The following ADCY10 variants were observed in gnomAD, a reference collection of about 807,000 sequenced individuals.
ADCY10 encodes adenylate cyclase type 10.
Under a neutral mutation model 183.3 loss-of-function variants are expected in ADCY10, and 156 were observed. That is an observed-to-expected ratio of 0.85 (90% CI 0.75 to 0.97). The LOEUF is 0.97. Ranked by LOEUF, ADCY10 falls within the 50% of genes least tolerant of loss-of-function variation. ADCY10 has a pLI of 0.00. For synonymous variants in ADCY10, 645 were observed against 670.0 expected (o/e 0.96, Z 0.58); for missense variants, 1,745 against 1,934.3 (o/e 0.90, Z 1.84).
rs1396530393 is a variant in ADCY10, at chr1:167,837,263, A to G, written c.3063T>C (p.Phe1021=). 1.2e-6 allele frequency: 2 copies of G among 1,613,504 alleles called. No homozygotes were observed. The highest frequency in any genetic ancestry group is 2.2e-5 in the East Asian group (1 of 44,892). The change falls in exon 22 of 33, where the codon TTT becomes TTC. Residue 1021 remains phenylalanine (F), a synonymous_variant. Transcript: ENST00000367851. ...TATGCCTCTACCTGCGATTTTCAGG[A>G]AAAAATGCAGATGTCTCAGGAATCT... The part of the protein sequence containing the change: ...NSEIPETSAF[F]PENRSPEEIR...
chr1:167,864,536 G>C (rs1666539327), intron 14 of ADCY10, among the ~76,000 whole-genome samples: 1 of 151,904 alleles, frequency 6.6e-6, no homozygotes, highest in South Asian at 2.1e-4. Flanking sequence ...CCCCACAGTA[G>C]TTAAGAGAGG....
intron 7 of ADCY10, 77 bp downstream of exon 7, chr1:167,896,518 T>A (rs1262228545): frequency 8.5e-7 from 1 of 1,175,512 alleles, no homozygotes; most frequent in African/African-American, 1.5e-5. Flanking sequence ...CCACCAGTAA[T>A]GAAGCTGTCG....
chr1:167,913,714 G>A (rs547894982), intron 1 of ADCY10, among the ~76,000 whole-genome samples: 1 of 150,830 alleles, frequency 6.6e-6, no homozygotes, highest in Non-Finnish European at 1.5e-5. Context: ...AGGATATCAC[G>A]TGAGAAACTG....
chr1:167,886,861 C>A (rs1453934929), intron 8 of ADCY10, among the ~76,000 whole-genome samples: 1 of 152,144 alleles, frequency 6.6e-6, no homozygotes, highest in Non-Finnish European at 1.5e-5. Flanking sequence ...AAAAATCAAA[C>A]AACCCCATCA....
chr1:167,848,623 T>C, intron 18 of ADCY10, 134 bp from the exon 19 acceptor site: 2 of 1,011,452 alleles, frequency 2.0e-6, no homozygotes, highest in Non-Finnish European at 2.9e-6. Flanking sequence ...CCAAATATTC[T>C]GGAAACCTTT....
At chr1:167,870,154 G>T in intron 14 of ADCY10, 103 bp downstream of exon 14, 1 of 1,271,014 alleles carries the variant, frequency 7.9e-7, no homozygotes, top group Non-Finnish European at 1.1e-6. Flanking sequence ...ATAATTGTAG[G>T]TTATAGATAA....
intron 30 of ADCY10, chr1:167,820,686 C>G (rs1237129183): frequency 6.5e-6 from 1 of 153,012 alleles, no homozygotes; most frequent in Non-Finnish European, 1.5e-5. Flanking sequence ...TGCCTGTAAT[C>G]CCAGCATTTG....
intron 28 of ADCY10, 106 bp from the exon 29 acceptor site, chr1:167,823,229 A>G: frequency 1.2e-6 from 1 of 843,762 alleles, no homozygotes; most frequent in Non-Finnish European, 1.9e-6. Flanking sequence ...GTTCGAGACC[A>G]GCCTGGCCAA....
intron 7 of ADCY10, among the ~76,000 whole-genome samples, chr1:167,895,347 G>A (rs1668891466): frequency 6.6e-6 from 1 of 152,134 alleles, no homozygotes; most frequent in Admixed American, 6.5e-5. Context: ...GAGCTTCTGA[G>A]GTTCTTGGCC....
chr1:167,912,128 A>C (rs1670182519), intron 1 of ADCY10, among the ~76,000 whole-genome samples: 1 of 152,262 alleles, frequency 6.6e-6, no homozygotes, highest in Non-Finnish European at 1.5e-5. Flanking sequence ...ACAGGCACAT[A>C]CCACATTGTA....
chr1:167,905,017 C>A lies in ADCY10; in HGVS notation c.124G>T (p.Val42Phe). ...CCTGAAATATCAACAAACATCAGGA[C>A]TCCGTCAAAATAATCCATAAAGGGT... ...ERPFMDYFDG[V>F]LMFVDISGFT... is the part of the protein sequence containing the mutation. The change falls in exon 2 of 33, where the codon GTC becomes TTC. Residue 42 changes from valine to phenylalanine, a missense_variant. Physicochemically the swap from Val to Phe is conservative, Grantham distance 50 (BLOSUM62 -1). Transcript: ENST00000367851. The A allele has an allele frequency of 6.2e-7, 1 of 1,614,198 alleles. No individual in the cohort carries two copies. Among genetic ancestry groups the A allele is most frequent in the Non-Finnish European group, 8.5e-7 (1 of 1,180,040 alleles).
In ADCY10 at chr1:167,837,207, T is replaced by A. The variant is rs768768428; in HGVS notation, c.3077+42A>T. The A allele has an allele frequency of 3.3e-6, 5 of 1,513,794 alleles. No homozygotes were observed. The Admixed American group carries it at 5.0e-5, about 15-fold the overall frequency. The allele number at this position is 1,513,794 out of a possible 1,614,324, so 93.8% of individuals were successfully genotyped here. On this transcript the variant is annotated intron_variant, in intron 22 of 32. Coordinates refer to ENST00000367851, the MANE Select transcript of ADCY10 (RefSeq NM_018417.6). Reference sequence around the variant, plus strand: ...AATAGTGTTCTGAATTTAATGACAATTATTTATGCTCTACTTCCTAAACAA... The same window carrying A: ...AATAGTGTTCTGAATTTAATGACAAATATTTATGCTCTACTTCCTAAACAA...
At chr1:167,832,796 G>A (rs1416451715) in intron 25 of ADCY10, among the ~76,000 whole-genome samples, 191 bp downstream of exon 25, 1 of 152,204 alleles carries the variant, frequency 6.6e-6, no homozygotes, top group East Asian at 1.9e-4. Context: ...AAAACTGCCT[G>A]TAAAGTACTT....
chr1:167,845,873 T>C lies in ADCY10; in HGVS notation c.2717-20A>G, dbSNP rs1347004270. ...CGTGATCTGGAGAGAGCAAAAAGGGTTTTTCAGCCAGGCAGTGGGCAACAG... is the reference window on the plus strand; with the variant it reads ...CGTGATCTGGAGAGAGCAAAAAGGGCTTTTCAGCCAGGCAGTGGGCAACAG... On this transcript the variant is annotated intron_variant, in intron 20 of 32. Transcript: ENST00000367851. 10 of 1,613,168 alleles carry C rather than the reference T, an allele frequency of 6.2e-6. No individual in the cohort carries two copies. The highest frequency in any genetic ancestry group is 1.6e-4 in the Middle Eastern group (1 of 6,084).
At chr1:167,834,426 C>G (rs933085723) in intron 23 of ADCY10, 20 of 366,356 alleles carry the variant, frequency 5.5e-5, no homozygotes, top group Non-Finnish European at 9.9e-5. Flanking sequence ...CCTCCCTATT[C>G]CCAACAACAC....
chr1:167,838,667 C>A (rs1399725595), intron 21 of ADCY10, among the ~76,000 whole-genome samples: 1 of 152,230 alleles, frequency 6.6e-6, no homozygotes, highest in East Asian at 1.9e-4. Flanking sequence ...TAATTACATT[C>A]ATATGCTAAT....
Position 167,870,407 on chromosome 1 carries a change from C to G in ADCY10, c.1466G>C (p.Arg489Pro). Residue 489 changes from arginine (R) to proline (P), a missense_variant, in exon 14 of 33, where the codon CGT becomes CCT. Physicochemically the swap from Arg to Pro is moderately radical, Grantham distance 103. Coordinates refer to ENST00000367851, the MANE Select transcript of ADCY10 (RefSeq NM_018417.6). ...CATGAAGTAGTTGATCTCTTTATTACGTCCTGTTATTTTTAGTTTTAAAAA... is the reference window on the plus strand; with the variant it reads ...CATGAAGTAGTTGATCTCTTTATTAGGTCCTGTTATTTTTAGTTTTAAAAA... ...NRKEDYPLLG[R>P]NKEINYFMYT... 6.2e-7 allele frequency: 1 copy of G among 1,606,936 alleles called. No individual in the cohort carries two copies. The highest frequency in any genetic ancestry group is 8.5e-7 in the Non-Finnish European group (1 of 1,174,310).
chr1:167,875,228 G>A, intron 12 of ADCY10, 42 bp from the exon 13 acceptor site: 1 of 1,587,082 alleles, frequency 6.3e-7, no homozygotes, highest in East Asian at 2.2e-5. Context: ...ATTCAAAACA[G>A]GGACATATTG....
chr1:167,832,928 T>C, intron 25 of ADCY10, 59 bp downstream of exon 25: 1 of 1,571,654 alleles, frequency 6.4e-7, no homozygotes, highest in Non-Finnish European at 8.7e-7. Flanking sequence ...TTGGATTATG[T>C]GTAGGCCTCT....
Sources: allele counts gnomAD v4.1 joint callset (sites outside exome capture counted in the v4.1 genomes callset), GRCh38; gene constraint gnomAD v4.1.1; transcripts MANE v1.5; gene names NCBI Gene and HGNC (gene_info 2026-07-23, HGNC 2026-07-21).